The following RDX variants were observed in gnomAD, a reference collection of about 807,000 sequenced individuals.
RDX encodes the protein deafness, autosomal recessive 24.
RDX carries 32 observed loss-of-function variants against 83.7 expected under a neutral mutation model. That is an observed-to-expected ratio of 0.38 (90% CI 0.29 to 0.51). The LOEUF (loss-of-function observed/expected upper bound fraction) is 0.51, where lower values mean the gene tolerates loss of function less well. Among genes scored for constraint, RDX ranks in the 20% least tolerant of loss-of-function variants. RDX has a pLI of 0.87. For missense variants in RDX, 600 were observed against 689.9 expected (o/e 0.87, Z 1.46); for synonymous variants, 229 against 222.7 (o/e 1.03, Z -0.25).
intron 3 of RDX, among the ~76,000 whole-genome samples, chr11:110,266,636 C>T (rs571116525): frequency 6.6e-6 from 1 of 151,874 alleles, no homozygotes; most frequent in Non-Finnish European, 1.5e-5. Context: ...GTGTGATTCA[C>T]GGCTCACTGG....
chr11:110,194,289 GAC>G (rs1235382055), intron 15 of RDX, among the ~76,000 whole-genome samples: 2 of 152,216 alleles, frequency 1.3e-5, no homozygotes, highest in Non-Finnish European at 2.9e-5. Context: ...GCGCAATCCT[GAC>G]ACACAGTAAC....
At chr11:110,281,857 A>T (rs781260915) in intron 1 of RDX, among the ~76,000 whole-genome samples, 2 of 150,302 alleles carry the variant, frequency 1.3e-5, no homozygotes, top group Non-Finnish European at 3.0e-5. Flanking sequence ...GTGTAATTCC[A>T]GCAATTTGAG....
At chr11:110,190,032 G>A (rs776926733) in intron 15 of RDX, among the ~76,000 whole-genome samples, 4 of 152,104 alleles carry the variant, frequency 2.6e-5, no homozygotes, top group Non-Finnish European at 5.9e-5. Flanking sequence ...GTGGTGAGCC[G>A]AGATCGTGCC....
chr11:110,258,954 C>G (rs1177215534), intron 5 of RDX, among the ~76,000 whole-genome samples: 3 of 150,338 alleles, frequency 2.0e-5, no homozygotes, highest in Admixed American at 6.7e-5. Context: ...TCACTGCAAC[C>G]TCTGCTTCCT....
At chr11:110,182,601 A>AAACAACAACAAC (rs140588360) in intron 15 of RDX, among the ~76,000 whole-genome samples, 7,071 of 152,110 alleles carry the variant, frequency 0.046, 554 homozygotes, top group African/African-American at 0.16. Context: ...CCCCTGTCTC[A>AAACAACAACAAC]AACAACAACA....
intron 9 of RDX, among the ~76,000 whole-genome samples, chr11:110,251,487 A>G (rs1859338992): frequency 6.6e-6 from 1 of 152,194 alleles, no homozygotes; most frequent in Non-Finnish European, 1.5e-5. Context: ...AAGAGCAAGG[A>G]AACACAGGCT....
intron 10 of RDX, among the ~76,000 whole-genome samples, chr11:110,243,894 A>G (rs960472310): frequency 6.6e-6 from 1 of 152,210 alleles, no homozygotes; most frequent in African/African-American, 2.4e-5. Flanking sequence ...TGGAGAAATC[A>G]AATTTGCTGG....
intron 10 of RDX, among the ~76,000 whole-genome samples, chr11:110,239,062 T>A (rs1467010015): frequency 6.6e-6 from 1 of 151,990 alleles, no homozygotes; most frequent in Non-Finnish European, 1.5e-5. Flanking sequence ...GAAGACCGCT[T>A]GAGGCCAGGA....
At chr11:110,296,436 G>A (rs570719434) in intron 1 of RDX, 31 bp downstream of exon 1, 1 of 151,540 alleles carries the variant, frequency 6.6e-6, no homozygotes, top group East Asian at 1.9e-4. Flanking sequence ...CGGGAGCGGG[G>A]AGTGGGGGAA....
chr11:110,225,421 T>C (rs367783072), downstream of RDX, among the ~76,000 whole-genome samples: 1 of 151,794 alleles, frequency 6.6e-6, no homozygotes, highest in Non-Finnish European at 1.5e-5. Flanking sequence ...AACAGAAAAA[T>C]AAACAATTTT....
chr11:110,255,224 T>C (rs1859490897), intron 8 of RDX, 65 bp downstream of exon 8: 1 of 849,330 alleles, frequency 1.2e-6, no homozygotes, highest in African/African-American at 1.7e-5. Flanking sequence ...ATTCTTCAAG[T>C]GATATCATGG....
chr11:110,265,157 A>C (rs1336384804), intron 3 of RDX, among the ~76,000 whole-genome samples: 3 of 140,776 alleles, frequency 2.1e-5, no homozygotes, highest in East Asian at 4.1e-4. Context: ...GCAATGGCAC[A>C]ATCTTGGCTC....
rs552014437 is a variant in RDX at position 110,253,777 on chromosome 11, A to G, written c.959+169T>C. ...TGTGTCAAAGATTTCTAACTTGAAA[A>G]TTATACATACTCGTTTTAAAGGACA... On this transcript the variant is annotated intron_variant, in intron 9 of 13. Coordinates refer to ENST00000645495, the MANE Select transcript of RDX (RefSeq NM_002906.4). 12 of 647,018 alleles carry G rather than the reference A, an allele frequency of 1.9e-5. No individual in the cohort carries two copies. The East Asian group carries it at 3.4e-4, about 18-fold the overall frequency. 40.1% of individuals were successfully genotyped at this position (647,018 alleles called of 1,614,324 possible). A position where few individuals can be genotyped will look rare whatever the true frequency, so the allele number is the denominator to read the frequency against.
chr11:110,237,121 ATATATTATATAACTATAACATATATC>A (rs1864885796), intron 11 of RDX, among the ~76,000 whole-genome samples: 1 of 149,342 alleles, frequency 6.7e-6, no homozygotes, highest in Non-Finnish European at 1.5e-5. Context: ...TATATCTATA[ATATATTATATAACTATAACATATATC>A]TATATTATAT....
intron 15 of RDX, among the ~76,000 whole-genome samples, chr11:110,196,927 C>G (rs932320611): frequency 6.6e-6 from 1 of 152,112 alleles, no homozygotes; most frequent in Non-Finnish European, 1.5e-5. Context: ...GAGACAGGGT[C>G]GCGCTCTGCC....
At chr11:110,199,292 T>C (rs1383876075) in intron 15 of RDX, among the ~76,000 whole-genome samples, 1 of 152,200 alleles carries the variant, frequency 6.6e-6, no homozygotes, top group African/African-American at 2.4e-5. Context: ...AAACATCATT[T>C]TAATAAATTC....
rs764051654 is a variant in RDX, at chr11:110,254,209, A to G, written c.796-100T>C. On this transcript the variant is annotated intron_variant, in intron 8 of 13. Transcript: ENST00000645495. ...AACATGAGGTATGAATTTTAATGTC[A>G]TATTACATATAGTTTAGAAATAAGA... is the stretch of plus-strand genomic sequence containing the variant. The G allele has an allele frequency of 3.4e-5, 31 of 910,514 alleles. 1 individual carries two copies. The highest frequency in any genetic ancestry group is 7.3e-5 in the South Asian group (5 of 68,292). The allele number at this position is 910,514 out of a possible 1,614,324, so 56.4% of individuals were successfully genotyped here.
intron 15 of RDX, among the ~76,000 whole-genome samples, chr11:110,188,165 G>T (rs974612289): frequency 5.9e-5 from 9 of 151,912 alleles, no homozygotes; most frequent in Non-Finnish European, 1.3e-4. Flanking sequence ...ATGGTGGTGC[G>T]CCCTTGTGAT....
chr11:110,209,530 G>T (rs1863745648), intron 14 of RDX, among the ~76,000 whole-genome samples: 1 of 152,198 alleles, frequency 6.6e-6, no homozygotes, highest in South Asian at 2.1e-4. Flanking sequence ...AGCACCCTGG[G>T]GGCAGGGCAC....
Sources: gnomAD v4.1 joint callset for allele counts (sites outside exome capture counted in the v4.1 genomes callset) on GRCh38, gnomAD v4.1.1 for gene constraint, MANE v1.5 for transcripts, NCBI Gene and HGNC (gene_info 2026-07-23, HGNC 2026-07-21) for gene names.